Variants in HEPH observed in about 807,000 individuals in gnomAD.
HEPH encodes hephaestin.
Under a neutral mutation model 80.8 loss-of-function variants are expected in HEPH, and 69 were observed. The ratio of observed to expected loss-of-function variants is 0.85; its 90% CI spans 0.70 to 1.04. The LOEUF (loss-of-function observed/expected upper bound fraction) is 1.04. HEPH is among the 50% of genes least tolerant of loss of function. The pLI is 0.00. For synonymous variants in HEPH, 431 were observed against 322.8 expected (o/e 1.34, Z -3.60); for missense variants, 1,115 against 891.3 (o/e 1.25, Z -3.20).
chrX:66,233,395 A>G (rs1382117365), intron 15 of HEPH, among the ~76,000 whole-genome samples: 1 of 111,335 alleles, frequency 9.0e-6, no homozygotes, highest in African/African-American at 3.3e-5. Flanking sequence ...TAATGACAAC[A>G]ATTCTGGGTC....
chrX:66,235,190 CTTTAG>C (rs888872964), intron 15 of HEPH, among the ~76,000 whole-genome samples: 1 of 111,608 alleles, frequency 9.0e-6, no homozygotes, highest in African/African-American at 3.3e-5. Context: ...TGTAGAAACT[CTTTAG>C]TTTAACTAGA....
rs144584127 is a variant in HEPH at position 66,249,490 on chromosome X, T to C, written c.2564-5545T>C. Among the ~76,000 whole-genome samples the C allele has an allele frequency of 4.5e-3, 496 of 111,374 alleles. 5 individuals are homozygous for C. Among genetic ancestry groups the C allele is most frequent in the Admixed American group, 6.6e-3 (69 of 10,453 alleles). The stretch of plus-strand genomic sequence containing the variant: ...GAGGCTTGAGGAGTGTATTGAAAGT[T>C]TGTACTTGTCACCCAGAGGAACAGG... On this transcript the variant is annotated intron_variant, in intron 15 of 20. Transcript: ENST00000343002.
At chrX:66,206,140 T>C (rs2088760301) in intron 13 of HEPH, among the ~76,000 whole-genome samples, 1 of 110,325 alleles carries the variant, frequency 9.1e-6, no homozygotes, top group Admixed American at 9.7e-5. Flanking sequence ...TGTCTCACCA[T>C]CCTTTGCCCT....
chrX:66,213,660 T>A (rs1051568365), intron 15 of HEPH, among the ~76,000 whole-genome samples: 1 of 111,429 alleles, frequency 9.0e-6, no homozygotes, highest in African/African-American at 3.3e-5. Context: ...AAAGAATACC[T>A]GGGCAAGAAG....
At position 66,180,933 on chromosome X, in the gene HEPH, T is replaced by G. The variant is rs749262270; in HGVS notation, c.625+7132T>G. 3.0e-5 allele frequency among the ~76,000 whole-genome samples: 3 copies of G among 99,345 alleles called. No homozygotes were observed. The South Asian group carries it at 1.5e-3, about 51-fold the overall frequency. The allele number at this position is 99,345 out of a possible 115,157, so 86.3% of individuals were successfully genotyped here. On this transcript the variant is annotated intron_variant, in intron 4 of 20. Coordinates refer to ENST00000343002, the MANE Select transcript of HEPH (RefSeq NM_001367233.3). ...TCATTGTTCAATTCCCACCTATGAGTGAGAATATGCGGTATTTGGTTTTTT... is the reference window on the plus strand; with the variant it reads ...TCATTGTTCAATTCCCACCTATGAGGGAGAATATGCGGTATTTGGTTTTTT...
rs758290872 is a variant in HEPH, at chrX:66,199,364, C to A, written c.1864+336C>A. ...CTTATATTTTAGTACCTTGGGTCCCCCCCCCCCATACTCCAGCCAACTGGG... is the reference window on the plus strand; with the variant it reads ...CTTATATTTTAGTACCTTGGGTCCCACCCCCCCATACTCCAGCCAACTGGG... On this transcript the variant is annotated intron_variant, in intron 11 of 20. Transcript: ENST00000343002. 2.4e-4 allele frequency among the ~76,000 whole-genome samples: 26 copies of A among 109,490 alleles called. No homozygotes were observed. In the South Asian group the frequency reaches 8.0e-3, roughly 34 times the overall value.
At chrX:66,237,973 AT>A (rs755344844) in intron 15 of HEPH, among the ~76,000 whole-genome samples, 4 of 111,446 alleles carry the variant, frequency 3.6e-5, no homozygotes, top group Admixed American at 2.9e-4. Context: ...TGCTTGGTAG[AT>A]TTTTTTCATC....
At chrX:66,236,230 G>A (rs755898930) in intron 15 of HEPH, among the ~76,000 whole-genome samples, 1 of 111,706 alleles carries the variant, frequency 9.0e-6, no homozygotes, top group East Asian at 2.8e-4. Flanking sequence ...TGCCCATTCA[G>A]TATGATGTTG....
intron 2 of HEPH, 26 bp from the exon 3 acceptor site, chrX:66,172,329 T>G (rs2086625966): frequency 4.3e-6 from 5 of 1,165,550 alleles, no homozygotes; most frequent in Non-Finnish European, 5.7e-6. Context: ...GGGGGCAAAA[T>G]TATGACTCTT....
chrX:66,193,939 A>C (rs1480338826), intron 8 of HEPH, among the ~76,000 whole-genome samples: 2 of 112,113 alleles, frequency 1.8e-5, no homozygotes, highest in Non-Finnish European at 3.8e-5. Context: ...ACTGATGTAC[A>C]GTACACATTT....
In HEPH at chrX:66,173,647, G is replaced by T. The variant is rs771425432; in HGVS notation, c.471G>T (p.Pro157=). The T allele has an allele frequency of 2.5e-6, 3 of 1,207,827 alleles. No homozygotes were observed. The South Asian group carries it at 5.3e-5, about 21-fold the overall frequency. The change falls in exon 4 of 21, where the codon CCG becomes CCT. Residue 157 remains proline, a synonymous_variant. Coordinates refer to ENST00000343002, the MANE Select transcript of HEPH (RefSeq NM_001367233.3). ...TGAAAGCTGATGACTCTGTTCCCCC[G>T]GGGGGCAGCCATATCTACAACTGGA... The part of the protein sequence containing the change: ...GPLKADDSVP[P]GGSHIYNWTI...
In HEPH at chrX:66,218,750, T is replaced by A. The variant is rs747364273; in HGVS notation, c.2563+10504T>A. ...CGTGATCGATTGAGCAAGCAGGGGGTACGTGACTGGGGGCTGCATGCACCG... is the reference window on the plus strand; with the variant it reads ...CGTGATCGATTGAGCAAGCAGGGGGAACGTGACTGGGGGCTGCATGCACCG... On this transcript the variant is annotated intron_variant, in intron 15 of 20. Coordinates refer to ENST00000343002, the MANE Select transcript of HEPH (RefSeq NM_001367233.3). 9.1e-5 allele frequency among the ~76,000 whole-genome samples: 10 copies of A among 110,021 alleles called. No homozygotes were observed. The South Asian group carries it at 2.8e-3, about 30-fold the overall frequency.
chrX:66,258,737 C>A, intron 17 of HEPH, 103 bp from the exon 18 acceptor site: 1 of 604,685 alleles, frequency 1.7e-6, no homozygotes, highest in South Asian at 4.9e-5. Context: ...TTGCTATCTT[C>A]GGTAAAAAAG....
intron 15 of HEPH, among the ~76,000 whole-genome samples, chrX:66,212,187 T>G (rs1198920927): frequency 6.6e-5 from 3 of 45,533 alleles, no homozygotes; most frequent in Non-Finnish European, 1.1e-4. Context: ...TTTTAATGTG[T>G]TTTTTTTTTT....
intron 14 of HEPH, 77 bp downstream of exon 14, chrX:66,207,411 C>A (rs1036129333): frequency 4.2e-6 from 3 of 715,195 alleles, no homozygotes; most frequent in Non-Finnish European, 5.8e-6. Flanking sequence ...ACCAGGATGG[C>A]CTCACTATTC....
At chrX:66,225,340 A>G (rs1376909626) in intron 15 of HEPH, among the ~76,000 whole-genome samples, 1 of 112,066 alleles carries the variant, frequency 8.9e-6, no homozygotes, top group Non-Finnish European at 1.9e-5. Flanking sequence ...ACACCACAAA[A>G]CAAAGAATGG....
In HEPH at chrX:66,193,622, G is replaced by A; in HGVS notation, c.1353G>A (p.Arg451=). The change falls in exon 8 of 21, where the codon AGG becomes AGA. Residue 451 remains arginine, a synonymous_variant. Transcript: ENST00000343002. ...AGAAGATGCATTTGGAGGAAGATAG[G>A]CATCTTGGAATCCTGGGTGAGGAAT... is the stretch of plus-strand genomic sequence containing the variant. ...FQEKMHLEED[R]HLGILGPVIR... is the part of the protein sequence containing the mutation. 2 of 1,186,800 alleles carry A rather than the reference G, an allele frequency of 1.7e-6. No individual in the cohort carries two copies. Among genetic ancestry groups the A allele is most frequent in the Non-Finnish European group, 2.3e-6 (2 of 881,011 alleles).
chrX:66,172,957 T>A (rs1398923087), intron 3 of HEPH, among the ~76,000 whole-genome samples: 1 of 112,582 alleles, frequency 8.9e-6, no homozygotes, highest in Non-Finnish European at 1.9e-5. Context: ...GTCATCCTAG[T>A]GTCACAGTCT....
intron 15 of HEPH, among the ~76,000 whole-genome samples, chrX:66,223,812 G>T (rs909361800): frequency 9.0e-6 from 1 of 110,955 alleles, no homozygotes; most frequent in Non-Finnish European, 1.9e-5. Flanking sequence ...CATATTTTAC[G>T]TTCCTTATAC....
Sources: gnomAD v4.1 joint callset for allele counts (sites outside exome capture counted in the v4.1 genomes callset) on GRCh38, gnomAD v4.1.1 for gene constraint, MANE v1.5 for transcripts, NCBI Gene and HGNC (gene_info 2026-07-23, HGNC 2026-07-21) for gene names.